Variants in ROR2 observed in about 807,000 individuals in gnomAD.
The protein encoded by ROR2 is tyrosine-protein kinase transmembrane receptor ROR2.
Under a neutral mutation model 74.9 loss-of-function variants are expected in ROR2, and 33 were observed. The ratio of observed to expected loss-of-function variants is 0.44; its 90% CI spans 0.33 to 0.59. The LOEUF (loss-of-function observed/expected upper bound fraction) is 0.59, where lower values mean the gene tolerates loss of function less well. Among genes scored for constraint, ROR2 ranks in the 20% least tolerant of loss-of-function variants. The pLI is 0.02. For synonymous variants in ROR2, 586 were observed against 558.7 expected (o/e 1.05, Z -0.69); for missense variants, 1,216 against 1,313.8 (o/e 0.93, Z 1.15).
chr9:91,885,713 GTTTAAA>G (rs1830249294), intron 1 of ROR2, among the ~76,000 whole-genome samples: 1 of 152,116 alleles, frequency 6.6e-6, no homozygotes. Context: ...ACTGTGATGC[GTTTAAA>G]TCAAATCAAC....
chr9:91,881,826 A>G (rs1830119602), intron 1 of ROR2, among the ~76,000 whole-genome samples: 1 of 152,188 alleles, frequency 6.6e-6, no homozygotes, highest in Admixed American at 6.5e-5. Flanking sequence ...TCCTGAGATG[A>G]AGAAGGATGA....
chr9:91,761,750 G>C (rs1825921089), intron 2 of ROR2, among the ~76,000 whole-genome samples: 1 of 152,066 alleles, frequency 6.6e-6, no homozygotes, highest in Non-Finnish European at 1.5e-5. Context: ...CATAGAAATT[G>C]ACCCTTCCTC....
At chr9:91,889,047 G>A (rs917528670) in intron 1 of ROR2, among the ~76,000 whole-genome samples, 1 of 152,112 alleles carries the variant, frequency 6.6e-6, no homozygotes, top group African/African-American at 2.4e-5. Flanking sequence ...ATTTGGAAGA[G>A]AGACCGTGTA....
intron 1 of ROR2, among the ~76,000 whole-genome samples, chr9:91,778,106 G>A (rs1251363049): frequency 6.6e-6 from 1 of 152,200 alleles, no homozygotes; most frequent in Non-Finnish European, 1.5e-5. Flanking sequence ...AGCCAGGCTG[G>A]CCTGGTAAGG....
intron 1 of ROR2, among the ~76,000 whole-genome samples, chr9:91,810,327 G>A (rs1171313036): frequency 6.6e-6 from 1 of 152,194 alleles, no homozygotes; most frequent in African/African-American, 2.4e-5. Context: ...AGGTGAGAGA[G>A]TTCACGTGGC....
At chr9:91,807,816 G>A (rs1320665049) in intron 1 of ROR2, among the ~76,000 whole-genome samples, 1 of 152,098 alleles carries the variant, frequency 6.6e-6, no homozygotes, top group Non-Finnish European at 1.5e-5. Flanking sequence ...TCCAGAACAG[G>A]CCTGTTGGGG....
chr9:91,834,664 A>G (rs577191644), intron 1 of ROR2, among the ~76,000 whole-genome samples: 2 of 152,332 alleles, frequency 1.3e-5, no homozygotes, highest in Non-Finnish European at 2.9e-5. Flanking sequence ...AGATTCCAAC[A>G]TGAAAAACCT....
At chr9:91,935,201 C>A (rs1479390767) in intron 1 of ROR2, among the ~76,000 whole-genome samples, 1 of 152,200 alleles carries the variant, frequency 6.6e-6, no homozygotes, top group Non-Finnish European at 1.5e-5. Context: ...GGATACCCCA[C>A]CTCCGGCACT....
chr9:91,851,886 G>GA (rs1160362759), intron 1 of ROR2, among the ~76,000 whole-genome samples: 1 of 151,280 alleles, frequency 6.6e-6, no homozygotes, highest in Non-Finnish European at 1.5e-5. Context: ...TGAGACAGGA[G>GA]AATCGCGTGA....
chr9:91,868,551 G>A (rs1482551321), intron 1 of ROR2, among the ~76,000 whole-genome samples: 2 of 151,998 alleles, frequency 1.3e-5, no homozygotes, highest in African/African-American at 2.4e-5. Context: ...AAAGACAAAC[G>A]GAAAAAATCT....
chr9:91,801,583 G>T (rs1200387036), intron 1 of ROR2, among the ~76,000 whole-genome samples: 1 of 152,166 alleles, frequency 6.6e-6, no homozygotes, highest in Non-Finnish European at 1.5e-5. Flanking sequence ...ACCCCCCTTG[G>T]CCTCCCAAAG....
At chr9:91,811,296 G>C (rs1193311339) in intron 1 of ROR2, among the ~76,000 whole-genome samples, 1 of 152,236 alleles carries the variant, frequency 6.6e-6, no homozygotes, top group African/African-American at 2.4e-5. Context: ...AACCACGGGG[G>C]AGCGCAGGGC....
At chr9:91,787,229 G>A (rs1239647357) in intron 1 of ROR2, among the ~76,000 whole-genome samples, 1 of 152,204 alleles carries the variant, frequency 6.6e-6, no homozygotes, top group Non-Finnish European at 1.5e-5. Flanking sequence ...AATAAAAAGA[G>A]GCTGGGTGTG....
At chr9:91,745,179 G>A (rs1444229779) in intron 4 of ROR2, among the ~76,000 whole-genome samples, 1 of 151,866 alleles carries the variant, frequency 6.6e-6, no homozygotes, top group Non-Finnish European at 1.5e-5. Context: ...AGGGTAGAAT[G>A]CAGTGGCGCG....
chr9:91,884,594 G>C (rs112294349), intron 1 of ROR2, among the ~76,000 whole-genome samples: 11 of 151,794 alleles, frequency 7.2e-5, no homozygotes, highest in African/African-American at 2.7e-4. Flanking sequence ...GAATATTAAT[G>C]CTGAAGGGTT....
chr9:91,766,893 A>C (rs1826073234), intron 2 of ROR2, among the ~76,000 whole-genome samples: 1 of 152,190 alleles, frequency 6.6e-6, no homozygotes, highest in Non-Finnish European at 1.5e-5. Context: ...TTTCTAACTT[A>C]ACAGTGGCAC....
chr9:91,945,040 A>C (rs1259454952), intron 1 of ROR2, among the ~76,000 whole-genome samples: 2 of 151,448 alleles, frequency 1.3e-5, no homozygotes, highest in African/African-American at 2.4e-5. Flanking sequence ...TGTTTGCACC[A>C]CTGCACTCCA....
chr9:91,855,942 A>G (rs1829269374), intron 1 of ROR2, among the ~76,000 whole-genome samples: 1 of 152,158 alleles, frequency 6.6e-6, no homozygotes, highest in Admixed American at 6.5e-5. Flanking sequence ...GCCCCCAGTG[A>G]GCCAGAGAGG....
chr9:91,753,523 G>A (rs1018409318), intron 4 of ROR2, among the ~76,000 whole-genome samples: 1 of 152,234 alleles, frequency 6.6e-6, no homozygotes, highest in Non-Finnish European at 1.5e-5. Context: ...GGCAGTATCA[G>A]TTTTAAAAAG....
Sources: gnomAD v4.1 joint callset for allele counts (sites outside exome capture counted in the v4.1 genomes callset) on GRCh38, gnomAD v4.1.1 for gene constraint, MANE v1.5 for transcripts, NCBI Gene and HGNC (gene_info 2026-07-23, HGNC 2026-07-21) for gene names.